Variants in STAM2 observed in about 807,000 individuals in gnomAD.
STAM2 encodes signal transducing adaptor molecule 2, also known as signal transducing adapter molecule 2.
In STAM2, 51 loss-of-function variants were observed where a neutral mutation model predicts 65.6. The observed-to-expected ratio is 0.78, with a 90% CI of 0.62 to 0.98. The LOEUF (loss-of-function observed/expected upper bound fraction) is 0.98. STAM2 is among the 50% of genes least tolerant of loss of function. STAM2 has a pLI of 0.00. For missense variants in STAM2, 584 were observed against 617.8 expected (o/e 0.95, Z 0.58); for synonymous variants, 198 against 208.4 (o/e 0.95, Z 0.43).
intron 1 of STAM2, 117 bp downstream of exon 1, chr2:152,175,486 T>A: frequency 7.4e-7 from 1 of 1,348,038 alleles, no homozygotes; most frequent in Non-Finnish European, 1.0e-6. Flanking sequence ...GCACCGCCCC[T>A]CCCCTCCCTT....
intron 1 of STAM2, among the ~76,000 whole-genome samples, chr2:152,152,014 A>G (rs1413532501): frequency 6.6e-6 from 1 of 151,964 alleles, no homozygotes; most frequent in African/African-American, 2.4e-5. Context: ...ATCACAACTC[A>G]CTGCAGCCTT....
In STAM2 at chr2:152,126,358, T is replaced by C; in HGVS notation, c.1047A>G (p.Glu349=). The C allele has an allele frequency of 6.3e-7, 1 of 1,575,124 alleles. No individual in the cohort carries two copies. The highest frequency in any genetic ancestry group is 1.8e-5 in the Admixed American group (1 of 54,318). ...EIDRKHSELS[E]LNVKVLEALE... ...GAGCTTCCAGGACTTTAACATTCAA[T>C]TCAGACAATTCTGAATGCTTCCTGA... The change falls in exon 12 of 14, where the codon GAA becomes GAG. Residue 349 remains glutamate (E), a synonymous_variant. Coordinates refer to ENST00000263904, the MANE Select transcript of STAM2 (RefSeq NM_005843.6).
chr2:152,159,110 T>TACAC (rs1553847557), intron 1 of STAM2, among the ~76,000 whole-genome samples: 2 of 129,266 alleles, frequency 1.5e-5, no homozygotes, highest in African/African-American at 3.2e-5. Context: ...TATATATATA[T>TACAC]ACACACACAG....
chr2:152,172,954 C>T (rs1247058753), intron 1 of STAM2, among the ~76,000 whole-genome samples: 1 of 151,636 alleles, frequency 6.6e-6, no homozygotes, highest in Non-Finnish European at 1.5e-5. Flanking sequence ...TCTGAAGGTC[C>T]TTGTCTTTTC....
chr2:152,162,705 G>A (rs1010251418), intron 1 of STAM2, among the ~76,000 whole-genome samples: 11 of 152,110 alleles, frequency 7.2e-5, no homozygotes, highest in African/African-American at 1.9e-4. Flanking sequence ...ATAGTGGCGC[G>A]ATCTTGGCTC....
At position 152,133,451 on chromosome 2, in the gene STAM2, T is replaced by TC. The variant is rs770324123; in HGVS notation, c.832dup (p.Asp278GlyfsTer6). On this transcript the variant is annotated frameshift_variant, in exon 9 of 14. Transcript: ENST00000263904. LOFTEE classifies it high-confidence loss of function. ...CTCTGATTTCTTAATTTCCTCCACATCATCATCAATTACATTCAATTTGTC... is the reference window on the plus strand; with the variant it reads ...CTCTGATTTCTTAATTTCCTCCACATCCATCATCAATTACATTCAATTTGTC... The TC allele has an allele frequency of 6.2e-7, 1 of 1,612,824 alleles. No homozygotes were observed. Among genetic ancestry groups the TC allele is most frequent in the South Asian group, 1.1e-5 (1 of 90,980 alleles).
intron 1 of STAM2, among the ~76,000 whole-genome samples, chr2:152,157,233 G>A (rs1689571560): frequency 6.6e-6 from 1 of 152,194 alleles, no homozygotes; most frequent in South Asian, 2.1e-4. Context: ...CACTTGAGAT[G>A]AGTCTCTATG....
At chr2:152,155,304 C>T (rs1458719088) in intron 1 of STAM2, among the ~76,000 whole-genome samples, 3 of 152,148 alleles carry the variant, frequency 2.0e-5, no homozygotes, top group African/African-American at 7.2e-5. Flanking sequence ...TTTGAGTACA[C>T]GAACTAAAAG....
At position 152,148,265 on chromosome 2, in the gene STAM2, A is replaced by G; in HGVS notation, c.161T>C (p.Val54Ala). 1 of 1,611,800 alleles carries G rather than the reference A, an allele frequency of 6.2e-7. No individual in the cohort carries two copies. The highest frequency in any genetic ancestry group is 8.5e-7 in the Non-Finnish European group (1 of 1,179,122). The stretch of plus-strand genomic sequence containing the variant: ...AGCAACATGTGGAACCTTATGATTT[A>G]CCCTTTTCATTATGGCTTTTAGGCA... ...KDCLKAIMKRVNHKVPHVALQ... is the reference protein window; with the variant it reads ...KDCLKAIMKRANHKVPHVALQ... The change falls in exon 3 of 14, where the codon GTA becomes GCA. Residue 54 changes from valine (V) to alanine (A), a missense_variant. Transcript: ENST00000263904.
intron 13 of STAM2, among the ~76,000 whole-genome samples, chr2:152,123,401 C>T (rs1329537863): frequency 6.6e-6 from 1 of 152,020 alleles, no homozygotes; most frequent in Non-Finnish European, 1.5e-5. Context: ...ACCTGAACTA[C>T]AAATTCCACA....
At chr2:152,162,593 A>G (rs1328941621) in intron 1 of STAM2, among the ~76,000 whole-genome samples, 2 of 152,150 alleles carry the variant, frequency 1.3e-5, no homozygotes, top group Non-Finnish European at 2.9e-5. Flanking sequence ...AAAATAAATA[A>G]ATAAAAATAA....
At chr2:152,142,302 A>T (rs1220734166) in intron 7 of STAM2, among the ~76,000 whole-genome samples, 1 of 152,218 alleles carries the variant, frequency 6.6e-6, no homozygotes, top group East Asian at 1.9e-4. Flanking sequence ...TTATTTTAGA[A>T]AATTTTGTTA....
intron 11 of STAM2, among the ~76,000 whole-genome samples, chr2:152,127,102 C>A (rs1303942205): frequency 6.6e-6 from 1 of 152,216 alleles, no homozygotes; most frequent in Non-Finnish European, 1.5e-5. Flanking sequence ...GATTCTGTAT[C>A]CTGGCCCTTG....
chr2:152,125,591 G>A (rs1202205150), intron 12 of STAM2, among the ~76,000 whole-genome samples: 1 of 152,176 alleles, frequency 6.6e-6, no homozygotes, highest in Non-Finnish European at 1.5e-5. Flanking sequence ...AAGGTGAAAA[G>A]TACTGGAAAA....
chr2:152,133,077 C>A, intron 10 of STAM2, 96 bp downstream of exon 10: 1 of 510,158 alleles, frequency 2.0e-6, no homozygotes, highest in South Asian at 6.5e-5. Flanking sequence ...GATTTCTAAC[C>A]TCTAGAGGCA....
chr2:152,161,066 G>A (rs1689663988), intron 1 of STAM2, among the ~76,000 whole-genome samples: 1 of 152,246 alleles, frequency 6.6e-6, no homozygotes, highest in Non-Finnish European at 1.5e-5. Flanking sequence ...GGGGGGAAAG[G>A]TGGGGAAAAG....
chr2:152,144,927 A>C lies in STAM2; in HGVS notation c.478T>G (p.Ser160Ala), dbSNP rs758901312. The C allele has an allele frequency of 9.9e-6, 16 of 1,613,894 alleles. No homozygotes were observed. The highest frequency in any genetic ancestry group is 1.4e-5 in the Non-Finnish European group (16 of 1,179,918). Reference sequence around the variant, plus strand: ...TCATCCTCTTTGTTTTTGTTCGATGACGTACCATTCTTGGCAGCAGCTGAG... The same window carrying C: ...TCATCCTCTTTGTTTTTGTTCGATGCCGTACCATTCTTGGCAGCAGCTGAG... ...TVSAAAKNGT[S>A]SNKNKEDEDI... Residue 160 changes from serine to alanine, a missense_variant, in exon 6 of 14, where the codon TCA (serine) becomes GCA (alanine). Ser to Ala is a moderately conservative substitution (Grantham distance 99, BLOSUM62 1). Coordinates refer to ENST00000263904, the MANE Select transcript of STAM2 (RefSeq NM_005843.6).
At chr2:152,154,479 G>A (rs117021904) in intron 1 of STAM2, among the ~76,000 whole-genome samples, 2,823 of 152,300 alleles carry the variant, frequency 0.019, 260 homozygotes, top group Admixed American at 0.16. Context: ...TTAGCTGGGC[G>A]TGGTGGCACG....
Position 152,150,160 on chromosome 2 carries a change from C to T in STAM2, c.110G>A (p.Gly37Glu). The change falls in exon 2 of 14, where the codon GGA becomes GAA. Residue 37 changes from glycine (G) to glutamate (E), a missense_variant. Transcript: ENST00000263904. ...GACATCTTACCCATTAGGAGTACTT[C>T]CAACTTTGTCACATATGTCCATAAT... ...SLIMDICDKVGSTPNGAKDCL... is the reference protein window; with the variant it reads ...SLIMDICDKVESTPNGAKDCL... The T allele has an allele frequency of 3.1e-6, 5 of 1,612,576 alleles. No homozygotes were observed. The South Asian group carries it at 4.4e-5, about 14-fold the overall frequency.
Sources: gnomAD v4.1 joint callset for allele counts (sites outside exome capture counted in the v4.1 genomes callset) on GRCh38, gnomAD v4.1.1 for gene constraint, MANE v1.5 for transcripts, NCBI Gene and HGNC (gene_info 2026-07-23, HGNC 2026-07-21) for gene names.